Variants in HHIPL1 observed in about 807,000 individuals in gnomAD.
The protein encoded by HHIPL1 is HHIP like 1, also known as HHIP-like protein 1.
HHIPL1 carries 43 observed loss-of-function variants against 61.8 expected under a neutral mutation model. The observed-to-expected ratio is 0.70, with a 90% CI of 0.55 to 0.90. The LOEUF (loss-of-function observed/expected upper bound fraction) is 0.90, where lower values mean the gene tolerates loss of function less well. HHIPL1 is among the 40% of genes least tolerant of loss of function. The pLI, the probability that HHIPL1 is intolerant of heterozygous loss-of-function variation, is 0.00. For synonymous variants in HHIPL1, 482 were observed against 515.8 expected (o/e 0.93, Z 0.89); for missense variants, 1,056 against 1,157.7 (o/e 0.91, Z 1.28).
At chr14:99,670,113 A>G (rs926501726) in intron 7 of HHIPL1, among the ~76,000 whole-genome samples, 2 of 140,246 alleles carry the variant, frequency 1.4e-5, no homozygotes, top group African/African-American at 5.2e-5. Context: ...CCAGTCTTTT[A>G]CTTTTTTTTT....
At chr14:99,621,281 G>A in the HHIPL1 span, among the ~76,000 whole-genome samples, 1 of 151,948 alleles carries the variant, frequency 6.6e-6, no homozygotes, top group African/African-American at 2.4e-5. Flanking sequence ...GTATTTTTTT[G>A]TAGAGATGGG....
chr14:99,640,586 G>A (rs1347926498), upstream of HHIPL1, among the ~76,000 whole-genome samples: 4 of 152,188 alleles, frequency 2.6e-5, no homozygotes, highest in East Asian at 7.7e-4. Context: ...TGCCCAGCTG[G>A]GTTTTTTTAA....
chr14:99,630,554 G>A, the HHIPL1 span, among the ~76,000 whole-genome samples: 3 of 152,352 alleles, frequency 2.0e-5, no homozygotes, highest in African/African-American at 7.2e-5. Context: ...GCGGCTAGGA[G>A]GAGCAAGTGG....
At chr14:99,624,736 G>A in the HHIPL1 span, 2 of 152,408 alleles carry the variant, frequency 1.3e-5, no homozygotes, top group Non-Finnish European at 2.9e-5. Flanking sequence ...CCCAGCAACT[G>A]TGATTCTCTA....
chr14:99,661,122 CTTA>C (rs941942841), intron 5 of HHIPL1, among the ~76,000 whole-genome samples: 5 of 89,920 alleles, frequency 5.6e-5, no homozygotes, highest in Non-Finnish European at 9.1e-5. Context: ...CCCAAGGGTG[CTTA>C]TGGAGCCTCG....
In HHIPL1 at chr14:99,669,019, G is replaced by C. The variant is rs2056295420; in HGVS notation, c.1730+716G>C. On this transcript the variant is annotated intron_variant, in intron 7 of 8. Coordinates refer to ENST00000330710, the MANE Select transcript of HHIPL1 (RefSeq NM_001127258.3). ...AGAGCCCTGCCCTAACCCCTTGGCTGTGTGCCTTCACCTCACCCTCTTCAA... is the reference window on the plus strand; with the variant it reads ...AGAGCCCTGCCCTAACCCCTTGGCTCTGTGCCTTCACCTCACCCTCTTCAA... 3 of 1,513,362 alleles carry C rather than the reference G, an allele frequency of 2.0e-6. No homozygotes were observed. The South Asian group carries it at 3.7e-5, about 18-fold the overall frequency. The allele number at this position is 1,513,362 out of a possible 1,614,324, so 93.7% of individuals were successfully genotyped here.
chr14:99,668,844 A>G lies in HHIPL1; in HGVS notation c.1730+541A>G. ...GCTTCCCTTCTAGCTGTAAGGCCAG[A>G]AGCGCCATGCCCGGCTATGTCCCAG... On this transcript the variant is annotated intron_variant, in intron 7 of 8. Transcript: ENST00000330710. This position sits in a 1 kb window ranked among gnomAD's most constrained non-coding sequence, Gnocchi z 4.7. The G allele has an allele frequency of 6.2e-7, 1 of 1,613,920 alleles. No homozygotes were observed. The highest frequency in any genetic ancestry group is 8.5e-7 in the Non-Finnish European group (1 of 1,180,012).
intron 8 of HHIPL1, among the ~76,000 whole-genome samples, chr14:99,673,495 G>A (rs898461637): frequency 1.4e-5 from 2 of 138,150 alleles, no homozygotes; most frequent in African/African-American, 5.6e-5. Flanking sequence ...TGGAGACTGG[G>A]GTTGGGGGTA....
chr14:99,672,176 C>T, intron 7 of HHIPL1, 141 bp from the exon 8 acceptor site: 1 of 650,352 alleles, frequency 1.5e-6, no homozygotes, highest in East Asian at 2.8e-5. Context: ...GGCAGGGAAG[C>T]TGCAGGCCAC....
At chr14:99,637,046 A>AGAAAGAAAGAAAGAAG in the HHIPL1 span, among the ~76,000 whole-genome samples, 20 of 92,368 alleles carry the variant, frequency 2.2e-4, 1 homozygote, top group African/African-American at 6.7e-4. Flanking sequence ...AAAGAAAGAA[A>AGAAAGAAAGAAAGAAG]GAAGGAAGGA....
At chr14:99,642,326 C>A (rs1291628565), upstream of HHIPL1, among the ~76,000 whole-genome samples, 2 of 152,106 alleles carry the variant, frequency 1.3e-5, no homozygotes, top group Non-Finnish European at 2.9e-5. Flanking sequence ...GTATTTACAT[C>A]TTTGGAAATT....
intron 5 of HHIPL1, among the ~76,000 whole-genome samples, chr14:99,661,408 AG>A (rs2056149464): frequency 3.3e-5 from 5 of 150,366 alleles, no homozygotes; most frequent in African/African-American, 5.0e-5. Flanking sequence ...AAAGAAAGAG[AG>A]AGAGAGAGAA....
chr14:99,632,222 C>T, the HHIPL1 span, among the ~76,000 whole-genome samples: 1 of 152,184 alleles, frequency 6.6e-6, no homozygotes, highest in Non-Finnish European at 1.5e-5. Context: ...TTGAGAATCC[C>T]GAACTCTTGC....
At chr14:99,631,514 G>T in the HHIPL1 span, among the ~76,000 whole-genome samples, 1 of 152,100 alleles carries the variant, frequency 6.6e-6, no homozygotes, top group Non-Finnish European at 1.5e-5. Flanking sequence ...AGTCACTTTT[G>T]CTTTCTGGGC....
chr14:99,679,177 A>C lies in HHIPL1; in HGVS notation c.*3551A>C, dbSNP rs1234795367. ...GCTGGGCCACCTCAAGGGCATTGAA[A>C]GCCAGCCCCACCCCACTGGGACACA... On this transcript the variant is annotated 3_prime_UTR_variant, in exon 9 of 9. Transcript: ENST00000330710. 2 of 152,216 alleles carry C rather than the reference A, an allele frequency of 1.3e-5. No homozygotes were observed. The highest frequency in any genetic ancestry group is 2.9e-5 in the Non-Finnish European group (2 of 68,054). The allele number at this position is 152,216 out of a possible 1,614,324, so 9.4% of individuals were successfully genotyped here.
chr14:99,631,378 AT>A, the HHIPL1 span, among the ~76,000 whole-genome samples: 1 of 151,770 alleles, frequency 6.6e-6, no homozygotes. Context: ...GCCTGGTTCC[AT>A]TTTCAAATAC....
chr14:99,645,470 G>A lies in HHIPL1; in HGVS notation c.255+8G>A. On this transcript the variant is annotated splice_region_variant and intron_variant, in intron 1 of 8. Transcript: ENST00000330710. ...AGGGACCTGCTGTGCCAGGTGAGCG[G>A]GCGCGCGGCCACCGGGCGGGGCGGG... The A allele has an allele frequency of 3.1e-6, 4 of 1,278,262 alleles. No individual in the cohort carries two copies. The highest frequency in any genetic ancestry group is 3.9e-6 in the Non-Finnish European group (4 of 1,018,430). The allele number at this position is 1,278,262 out of a possible 1,614,324, so 79.2% of individuals were successfully genotyped here.
upstream of HHIPL1, among the ~76,000 whole-genome samples, chr14:99,641,210 T>G (rs1218273880): frequency 6.6e-6 from 1 of 151,992 alleles, no homozygotes; most frequent in Non-Finnish European, 1.5e-5. Flanking sequence ...TTAATGCTTT[T>G]TTGTTTTCGT....
chr14:99,628,234 G>A, the HHIPL1 span, among the ~76,000 whole-genome samples: 11 of 152,204 alleles, frequency 7.2e-5, no homozygotes, highest in African/African-American at 2.7e-4. Flanking sequence ...GGGCAGGTGT[G>A]CTGTGGCTTT....
Sources: gnomAD v4.1 joint callset for allele counts (sites outside exome capture counted in the v4.1 genomes callset) on GRCh38, gnomAD v4.1.1 for gene constraint, Gnocchi (gnomAD v3.1) non-coding constraint, MANE v1.5 for transcripts, NCBI Gene and HGNC (gene_info 2026-07-23, HGNC 2026-07-21) for gene names.